Variants in GRID1 observed in about 807,000 individuals in gnomAD.
GRID1 encodes the protein glutamate receptor ionotropic, delta-1.
A neutral mutation model predicts 98.0 loss-of-function variants in GRID1; 28 were observed. The observed-to-expected ratio is 0.29, with a 90% CI of 0.21 to 0.39. The LOEUF (loss-of-function observed/expected upper bound fraction) is 0.39, where lower values mean the gene tolerates loss of function less well. Among genes scored for constraint, GRID1 ranks in the 10% least tolerant of loss-of-function variants. The pLI, the probability that GRID1 is intolerant of heterozygous loss-of-function variation, is 1.00. For synonymous variants in GRID1, 553 were observed against 538.5 expected, an observed-to-expected ratio of 1.03 and a Z score of -0.37; for missense variants, 1,111 against 1,340.5, an observed-to-expected ratio of 0.83 and a Z score of 2.67.
At chr10:85,792,810 C>A (rs2132743151) in intron 8 of GRID1, among the ~76,000 whole-genome samples, 1 of 152,232 alleles carries the variant, frequency 6.6e-6, no homozygotes, top group Admixed American at 6.5e-5. Context: ...CCACAATGAC[C>A]CTTATTCTGA....
At chr10:86,334,777 G>A (rs1848200549) in intron 2 of GRID1, among the ~76,000 whole-genome samples, 1 of 152,212 alleles carries the variant, frequency 6.6e-6, no homozygotes, top group Admixed American at 6.5e-5. Flanking sequence ...AATGGACCAT[G>A]GTTGGGAGGC....
intron 4 of GRID1, among the ~76,000 whole-genome samples, chr10:85,959,001 G>GA (rs1842231161): frequency 6.6e-6 from 1 of 151,110 alleles, no homozygotes; most frequent in South Asian, 2.1e-4. Flanking sequence ...AAAAGAAAAA[G>GA]AAGCTGAGGA....
intron 3 of GRID1, among the ~76,000 whole-genome samples, chr10:86,157,522 G>A (rs1193882362): frequency 6.6e-6 from 1 of 152,182 alleles, no homozygotes; most frequent in Non-Finnish European, 1.5e-5. Flanking sequence ...TTCTAGTGGA[G>A]TGACAAATGG....
At position 85,823,146 on chromosome 10, in the gene GRID1, T is replaced by A. The variant is rs11201811; in HGVS notation, c.1233+31350A>T. Among the ~76,000 whole-genome samples, 1,091 of 151,844 alleles carry A rather than the reference T, an allele frequency of 7.2e-3. 16 individuals are homozygous for A. Among genetic ancestry groups the A allele is most frequent in the African/African-American group, 0.025 (1,021 of 41,412 alleles). ...GGCACATGTATACATATGTAACAAA[T>A]CTGCACGTTGTGCAAATGTACCCTA... is the stretch of plus-strand genomic sequence containing the variant. On this transcript the variant is annotated intron_variant, in intron 8 of 15. Coordinates refer to ENST00000327946, the MANE Select transcript of GRID1 (RefSeq NM_017551.3).
At position 85,728,297 on chromosome 10, in the gene GRID1, C is replaced by A. The variant is rs190270247; in HGVS notation, c.1336-245G>T. 1.1e-4 allele frequency among the ~76,000 whole-genome samples: 17 copies of A among 152,242 alleles called. No individual in the cohort carries two copies. The East Asian group carries it at 3.3e-3, about 29-fold the overall frequency. On this transcript the variant is annotated intron_variant, in intron 9 of 15. Transcript: ENST00000327946. The stretch of plus-strand genomic sequence containing the variant: ...TGGAGATTCATTTGTCCCGTGTCAT[C>A]CCAGGCTCTGCCCCAACCCCTAGTT...
At chr10:86,304,064 T>C (rs1847726350) in intron 2 of GRID1, among the ~76,000 whole-genome samples, 1 of 152,136 alleles carries the variant, frequency 6.6e-6, no homozygotes, top group African/African-American at 2.4e-5. Context: ...CCAACCCTGG[T>C]AGTGACTCTC....
intron 4 of GRID1, among the ~76,000 whole-genome samples, chr10:86,127,107 G>C (rs1412703018): frequency 1.3e-5 from 2 of 152,358 alleles, no homozygotes; most frequent in South Asian, 4.1e-4. Flanking sequence ...AGAAGGGGCA[G>C]CTATGCGGCC....
intron 4 of GRID1, among the ~76,000 whole-genome samples, chr10:85,930,310 G>A (rs908110899): frequency 1.4e-5 from 2 of 145,778 alleles, no homozygotes; most frequent in Non-Finnish European, 3.0e-5. Flanking sequence ...AATAACTTGC[G>A]GTTATTTATA....
chr10:85,855,447 G>T (rs576214796), intron 7 of GRID1, among the ~76,000 whole-genome samples: 58 of 152,362 alleles, frequency 3.8e-4, no homozygotes, highest in African/African-American at 1.3e-3. Flanking sequence ...GCCCTGGGCT[G>T]TAGTAGATTC....
At chr10:86,161,309 T>C (rs1391253084) in intron 3 of GRID1, among the ~76,000 whole-genome samples, 1 of 152,018 alleles carries the variant, frequency 6.6e-6, no homozygotes, top group African/African-American at 2.4e-5. Flanking sequence ...TTCTGAAGCC[T>C]GCATAGGGGG....
chr10:85,649,831 C>T (rs959153035), intron 12 of GRID1, among the ~76,000 whole-genome samples: 4 of 152,082 alleles, frequency 2.6e-5, no homozygotes, highest in African/African-American at 7.2e-5. Flanking sequence ...CCTCACTGTT[C>T]CCACCCCAAA....
chr10:85,828,668 A>T (rs959089195), intron 8 of GRID1, among the ~76,000 whole-genome samples: 1 of 152,076 alleles, frequency 6.6e-6, no homozygotes, highest in African/African-American at 2.4e-5. Flanking sequence ...CTTAGAGACT[A>T]CTCTGAACAC....
intron 8 of GRID1, among the ~76,000 whole-genome samples, chr10:85,784,126 T>C (rs533682527): frequency 6.6e-6 from 1 of 152,294 alleles, no homozygotes; most frequent in African/African-American, 2.4e-5. Context: ...AAGGAAATAA[T>C]GTAAATATTA....
intron 4 of GRID1, among the ~76,000 whole-genome samples, chr10:86,006,357 A>G (rs1258832364): frequency 1.3e-5 from 2 of 152,250 alleles, no homozygotes; most frequent in African/African-American, 4.8e-5. Context: ...ATGGTGGCTC[A>G]TGCCTATAAT....
At chr10:86,321,040 C>A (rs1182371244) in intron 2 of GRID1, among the ~76,000 whole-genome samples, 1 of 147,638 alleles carries the variant, frequency 6.8e-6, no homozygotes, top group East Asian at 2.0e-4. Context: ...GCGGAGCTTG[C>A]AGTGAGCCAA....
rs189226232 is a variant in GRID1 at position 86,354,089 on chromosome 10, G to A, written c.235+9852C>T. ...GAAGGCCCACGGCCCCAGGCCAGGA[G>A]CGGACCCATGGCAGGACCTCAAGTC... is the stretch of plus-strand genomic sequence containing the variant. On this transcript the variant is annotated intron_variant, in intron 2 of 15. Transcript: ENST00000327946. Among the ~76,000 whole-genome samples the A allele has an allele frequency of 8.5e-4, 129 of 152,348 alleles. 1 individual carries two copies. The highest frequency in any genetic ancestry group is 3.1e-4 in the Non-Finnish European group (21 of 68,030).
chr10:85,676,442 G>A (rs553916357), intron 12 of GRID1, among the ~76,000 whole-genome samples: 28 of 152,310 alleles, frequency 1.8e-4, no homozygotes, highest in African/African-American at 6.5e-4. Flanking sequence ...TTCTTGCTTA[G>A]CACGTTTTCC....
chr10:86,273,019 A>C (rs1216957117), intron 2 of GRID1, among the ~76,000 whole-genome samples: 1 of 152,096 alleles, frequency 6.6e-6, no homozygotes, highest in Non-Finnish European at 1.5e-5. Flanking sequence ...CCATTAACTC[A>C]ACATTTAGCA....
chr10:86,048,713 C>A (rs544702813), intron 4 of GRID1, among the ~76,000 whole-genome samples: 12 of 152,338 alleles, frequency 7.9e-5, no homozygotes, highest in African/African-American at 2.9e-4. Flanking sequence ...GGTAGATCCA[C>A]ATGGCTTAAA....
Sources: gnomAD v4.1 joint callset for allele counts (sites outside exome capture counted in the v4.1 genomes callset) on GRCh38, gnomAD v4.1.1 for gene constraint, MANE v1.5 for transcripts, NCBI Gene and HGNC (gene_info 2026-07-23, HGNC 2026-07-21) for gene names.